CCN3: variants seen among roughly 807,000 people sequenced by gnomAD.
The protein encoded by CCN3 is cellular communication network factor 3.
CCN3 carries 20 observed loss-of-function variants against 33.4 expected under a neutral mutation model. The observed-to-expected ratio is 0.60, with a 90% confidence interval of 0.42 to 0.87. CCN3 has a LOEUF of 0.87. Among genes scored for constraint, CCN3 ranks in the 40% least tolerant of loss-of-function variants. The pLI is 0.00. For synonymous variants in CCN3, 205 were observed against 170.4 expected (o/e 1.20, Z -1.58); for missense variants, 465 against 455.3 (o/e 1.02, Z -0.19).
rs1196887167 is a variant in CCN3, at chr8:119,424,004, T to A, written c.*872T>A. ...TACATCCTCTGATAGCTGTTTCAAA[T>A]GTGCATTTTGTGGAATTTTGAGAAA... On this transcript the variant is annotated 3_prime_UTR_variant, in exon 5 of 5. Coordinates refer to ENST00000259526, the MANE Select transcript of CCN3 (RefSeq NM_002514.4). The A allele has an allele frequency of 2.6e-5, 4 of 152,226 alleles. No individual in the cohort carries two copies. Among genetic ancestry groups the A allele is most frequent in the Non-Finnish European group, 4.4e-5 (3 of 68,042 alleles). 9.4% of individuals were successfully genotyped at this position (152,226 alleles called of 1,614,324 possible).
intron 3 of CCN3, among the ~76,000 whole-genome samples, chr8:119,418,734 T>C (rs1417622860): frequency 6.6e-6 from 1 of 152,234 alleles, no homozygotes; most frequent in Non-Finnish European, 1.5e-5. Context: ...CCTGCACAGG[T>C]GTCACTGAAA....
At chr8:119,417,728 GA>G (rs1449490252) in intron 2 of CCN3, among the ~76,000 whole-genome samples, 1 of 152,152 alleles carries the variant, frequency 6.6e-6, no homozygotes, top group African/African-American at 2.4e-5. Flanking sequence ...GCTGGAGTAG[GA>G]AACTCTAAGG....
At chr8:119,417,143 G>C (rs1000425252) in intron 2 of CCN3, 174 bp downstream of exon 2, 2 of 615,672 alleles carry the variant, frequency 3.2e-6, no homozygotes, top group East Asian at 6.0e-5. Flanking sequence ...GGAGCACTTG[G>C]GGCTTTGGGG....
chr8:119,420,721 G>C (rs536551099), intron 4 of CCN3, among the ~76,000 whole-genome samples: 4 of 152,180 alleles, frequency 2.6e-5, no homozygotes, highest in Non-Finnish European at 5.9e-5. Flanking sequence ...AAGAATACAC[G>C]CTAAATATTA....
At position 119,416,763 on chromosome 8, in the gene CCN3, G is replaced by A. The variant is rs1820054450; in HGVS notation, c.104G>A (p.Cys35Tyr). ...LLGQVAATQRCPPQCPGRCPA... is the reference protein window; with the variant it reads ...LLGQVAATQRYPPQCPGRCPA... The stretch of plus-strand genomic sequence containing the variant: ...CTTCAGGTCGCTGCGACTCAGCGCT[G>A]CCCTCCCCAGTGCCCGGGCCGGTGC... The change falls in exon 2 of 5, where the codon TGC becomes TAC. Residue 35 changes from cysteine to tyrosine, a missense_variant. Transcript: ENST00000259526. 2 of 1,590,622 alleles carry A rather than the reference G, an allele frequency of 1.3e-6. No homozygotes were observed. Among genetic ancestry groups the A allele is most frequent in the African/African-American group, 1.3e-5 (1 of 74,530 alleles).
In CCN3 at chr8:119,419,224, G is replaced by T. The variant is rs550785712; in HGVS notation, c.656G>T (p.Ser219Ile). 1 of 1,614,242 alleles carries T rather than the reference G, an allele frequency of 6.2e-7. No individual in the cohort carries two copies. Among genetic ancestry groups the T allele is most frequent in the Non-Finnish European group, 8.5e-7 (1 of 1,180,044 alleles). ...QTTEWTACSK[S>I]CGMGFSTRVT... ...ACAGAGTGGACAGCATGCTCCAAGA[G>T]CTGTGGTATGGGGTTCTCCACCCGG... The change falls in exon 4 of 5, where the codon AGC (serine) becomes ATC (isoleucine). Residue 219 changes from serine to isoleucine, a missense_variant. Coordinates refer to ENST00000259526, the MANE Select transcript of CCN3 (RefSeq NM_002514.4).
At position 119,418,093 on chromosome 8, in the gene CCN3, A is replaced by G; in HGVS notation, c.346A>G (p.Ile116Val). 1 of 1,614,162 alleles carries G rather than the reference A, an allele frequency of 6.2e-7. No homozygotes were observed. The highest frequency in any genetic ancestry group is 8.5e-7 in the Non-Finnish European group (1 of 1,179,988). Residue 116 changes from isoleucine to valine, a missense_variant, in exon 3 of 5, where the codon ATC becomes GTC. Coordinates refer to ENST00000259526, the MANE Select transcript of CCN3 (RefSeq NM_002514.4). Reference protein sequence around the residue: ...EGDNCVFDGVIYRSGEKFQPS... With the variant: ...EGDNCVFDGVVYRSGEKFQPS... ...AGATAACTGTGTGTTCGATGGGGTCATCTACCGCAGTGGAGAGAAATTTCA... is the reference window on the plus strand; with the variant it reads ...AGATAACTGTGTGTTCGATGGGGTCGTCTACCGCAGTGGAGAGAAATTTCA...
In CCN3 at chr8:119,416,519, G is replaced by A. The variant is rs778347013; in HGVS notation, c.-14G>A. 8 of 1,613,266 alleles carry A rather than the reference G, an allele frequency of 5.0e-6. No homozygotes were observed. In the South Asian group the frequency reaches 8.8e-5, roughly 18 times the overall value. ...AAGTCTCGTTTGGTAAAAGCGAGAG[G>A]GGAAAGCCTGAGCATGCAGAGTGTG... is the stretch of plus-strand genomic sequence containing the variant. On this transcript the variant is annotated 5_prime_UTR_variant, in exon 1 of 5. Transcript: ENST00000259526.
chr8:119,418,136 A>G lies in CCN3; in HGVS notation c.389A>G (p.Gln130Arg). The G allele has an allele frequency of 5.0e-6, 8 of 1,614,244 alleles. No individual in the cohort carries two copies. The highest frequency in any genetic ancestry group is 6.8e-6 in the Non-Finnish European group (8 of 1,180,046). The change falls in exon 3 of 5, where the codon CAG becomes CGG. Residue 130 changes from glutamine to arginine, a missense_variant. Transcript: ENST00000259526. Reference sequence around the variant, plus strand: ...AAATTTCAGCCAAGCTGCAAATTCCAGTGCACCTGCAGAGATGGGCAGATT... The same window carrying G: ...AAATTTCAGCCAAGCTGCAAATTCCGGTGCACCTGCAGAGATGGGCAGATT... ...GEKFQPSCKF[Q>R]CTCRDGQIGC...
At chr8:119,420,927 T>G (rs1330887261) in intron 4 of CCN3, among the ~76,000 whole-genome samples, 1 of 151,898 alleles carries the variant, frequency 6.6e-6, no homozygotes, top group Non-Finnish European at 1.5e-5. Flanking sequence ...TTATTTATAG[T>G]ATACATATTT....
chr8:119,420,585 G>A (rs928713554), intron 4 of CCN3, among the ~76,000 whole-genome samples: 8 of 152,014 alleles, frequency 5.3e-5, no homozygotes, highest in Admixed American at 2.0e-4. Context: ...ACTTCCCCAC[G>A]CTCAGAGGAA....
intron 2 of CCN3, 143 bp from the exon 3 acceptor site, chr8:119,417,915 C>T (rs1323111496): frequency 2.6e-6 from 2 of 777,482 alleles, no homozygotes; most frequent in African/African-American, 1.7e-5. Context: ...ACAGTAGATA[C>T]ATGAGAAACC....
intron 3 of CCN3, 43 bp downstream of exon 3, chr8:119,418,352 A>G: frequency 6.3e-7 from 1 of 1,580,934 alleles, no homozygotes; most frequent in Non-Finnish European, 8.6e-7. Context: ...AGTAGAGGGT[A>G]AATACAAACA....
At chr8:119,421,084 T>C (rs1320941882) in intron 4 of CCN3, among the ~76,000 whole-genome samples, 1 of 132,854 alleles carries the variant, frequency 7.5e-6, no homozygotes, top group Non-Finnish European at 1.6e-5. Flanking sequence ...AGTGGCACAA[T>C]CTTGGCTCAC....
In CCN3 at chr8:119,423,451, CTCA is replaced by C. The variant is rs1300760938; in HGVS notation, c.*324_*326del. ...ACTTTGTAGACTGTTTCACATTGCACTCATCATATTTTGTTGTGCACTAGTGCA... is the reference window on the plus strand; with the variant it reads ...ACTTTGTAGACTGTTTCACATTGCACTCATATTTTGTTGTGCACTAGTGCA... On this transcript the variant is annotated 3_prime_UTR_variant, in exon 5 of 5. Transcript: ENST00000259526. 9 of 235,116 alleles carry C rather than the reference CTCA, an allele frequency of 3.8e-5. No homozygotes were observed. Among genetic ancestry groups the C allele is most frequent in the African/African-American group, 1.1e-4 (5 of 45,008 alleles). The allele number at this position is 235,116 out of a possible 1,614,324, so 14.6% of individuals were successfully genotyped here.
rs749384957 is a variant in CCN3 at position 119,422,985 on chromosome 8, C to G, written c.927C>G (p.Ile309Met). ...RCCTPHNTKT[I>M]QAEFQCSPGQ... The stretch of plus-strand genomic sequence containing the variant: ...GCACTCCCCACAATACCAAAACCAT[C>G]CAGGCAGAGTTTCAGTGCTCCCCAG... The change falls in exon 5 of 5, where the codon ATC becomes ATG. Residue 309 changes from isoleucine to methionine, a missense_variant. Physicochemically the swap from Ile to Met is conservative, Grantham distance 10. Transcript: ENST00000259526. 2.5e-6 allele frequency: 4 copies of G among 1,614,156 alleles called. No homozygotes were observed. The Admixed American group carries it at 6.7e-5, about 27-fold the overall frequency.
Position 119,416,913 on chromosome 8 carries a change from G to C in CCN3, c.254G>C (p.Ser85Thr), listed in dbSNP as rs1193189406. Reference protein sequence around the residue: ...CSDLEPCDESSGLYCDRSADP... With the variant: ...CSDLEPCDESTGLYCDRSADP... ...GATCTGGAGCCATGCGACGAGAGCA[G>C]TGGCCTCTACTGTGATCGCAGCGCG... The change falls in exon 2 of 5, where the codon AGT becomes ACT. Residue 85 changes from serine to threonine, a missense_variant. By Grantham distance (58) the Ser-to-Thr change is moderately conservative. Coordinates refer to ENST00000259526, the MANE Select transcript of CCN3 (RefSeq NM_002514.4). 1 of 1,614,064 alleles carries C rather than the reference G, an allele frequency of 6.2e-7. No individual in the cohort carries two copies. Among genetic ancestry groups the C allele is most frequent in the South Asian group, 1.1e-5 (1 of 91,082 alleles).
chr8:119,420,348 T>C (rs1373854565), intron 4 of CCN3, among the ~76,000 whole-genome samples: 3 of 152,200 alleles, frequency 2.0e-5, no homozygotes, highest in African/African-American at 7.2e-5. Flanking sequence ...TTACATAGAA[T>C]GAATTTGCAA....
In CCN3 at chr8:119,418,289, T is replaced by C. The variant is rs776298713; in HGVS notation, c.542T>C (p.Leu181Pro). Residue 181 changes from leucine (L) to proline (P), a missense_variant, in exon 3 of 5, where the codon CTG becomes CCG. Coordinates refer to ENST00000259526, the MANE Select transcript of CCN3 (RefSeq NM_002514.4). Reference sequence around the variant, plus strand: ...TGTGGCCCAGATGAGGAGGATTCACTGGGAGGCCTTACCCTTGCAGGTGAG... The same window carrying C: ...TGTGGCCCAGATGAGGAGGATTCACCGGGAGGCCTTACCCTTGCAGGTGAG... ...WICGPDEEDS[L>P]GGLTLAAYRP... 20 of 1,613,988 alleles carry C rather than the reference T, an allele frequency of 1.2e-5. 1 individual carries two copies. The South Asian group carries it at 2.1e-4, about 17-fold the overall frequency.
Sources: gnomAD v4.1 joint callset for allele counts (sites outside exome capture counted in the v4.1 genomes callset) on GRCh38, gnomAD v4.1.1 for gene constraint, MANE v1.5 for transcripts, NCBI Gene and HGNC (gene_info 2026-07-23, HGNC 2026-07-21) for gene names.